Variants in DDR1 observed in about 807,000 individuals in gnomAD.
DDR1 encodes epithelial discoidin domain-containing receptor 1.
A neutral mutation model predicts 97.4 loss-of-function variants in DDR1; 64 were observed. The ratio of observed to expected loss-of-function variants is 0.66; its 90% confidence interval spans 0.54 to 0.81. DDR1 has a LOEUF of 0.81. DDR1 is among the 30% of genes least tolerant of loss of function. DDR1 has a pLI of 0.00. For missense variants in DDR1, 990 were observed against 1,259.6 expected (o/e 0.79, Z 3.24); for synonymous variants, 458 against 503.7 (o/e 0.91, Z 1.21).
rs759947520 is a variant in DDR1 at position 30,891,190 on chromosome 6, G to A, written c.565+70G>A. The A allele has an allele frequency of 1.3e-6, 2 of 1,590,242 alleles. No individual in the cohort carries two copies. Among genetic ancestry groups the A allele is most frequent in the Non-Finnish European group, 1.7e-6 (2 of 1,167,414 alleles). On this transcript the variant is annotated intron_variant, in intron 5 of 17. Transcript: ENST00000376568. The surrounding 1 kb of genome is among the most constrained non-coding windows in gnomAD (Gnocchi z 5.3). ...CTGGAGGGTGGGGAGTGTGGAGAAT[G>A]GGCATCCAGGATCCCTTCTCCTGCT...
Position 30,891,296 on chromosome 6 carries a change from G to A in DDR1, c.566-84G>A. On this transcript the variant is annotated intron_variant, in intron 5 of 17. Coordinates refer to ENST00000376568, the MANE Select transcript of DDR1 (RefSeq NM_001297654.2). This position sits in a 1 kb window ranked among gnomAD's most constrained non-coding sequence, Gnocchi z 5.3. ...GAGCCAGTGGAGAGATACAAGAAGG[G>A]ACCTGAAACCTGCCCAGGCCTGATG... 9 of 1,423,642 alleles carry A rather than the reference G, an allele frequency of 6.3e-6. No individual in the cohort carries two copies. Among genetic ancestry groups the A allele is most frequent in the Admixed American group, 1.8e-5 (1 of 54,086 alleles). The allele number at this position is 1,423,642 out of a possible 1,614,324, so 88.2% of individuals were successfully genotyped here.
rs1790084078 is a variant in DDR1, at chr6:30,894,810, A to G, written c.1513+139A>G. Reference sequence around the variant, plus strand: ...TTCTGTGCCCCTGGTTACTGTCTATATCACTCTTTGTCCCTACCATGTAGT... The same window carrying G: ...TTCTGTGCCCCTGGTTACTGTCTATGTCACTCTTTGTCCCTACCATGTAGT... On this transcript the variant is annotated intron_variant, in intron 11 of 17. Coordinates refer to ENST00000376568, the MANE Select transcript of DDR1 (RefSeq NM_001297654.2). The surrounding 1 kb of genome is among the most constrained non-coding windows in gnomAD (Gnocchi z 5.7). 4.2e-6 allele frequency: 4 copies of G among 960,554 alleles called. No homozygotes were observed. The highest frequency in any genetic ancestry group is 6.0e-6 in the Non-Finnish European group (4 of 672,068). The allele number at this position is 960,554 out of a possible 1,614,324, so 59.5% of individuals were successfully genotyped here. A position where few individuals can be genotyped will look rare whatever the true frequency, so the allele number is the denominator to read the frequency against.
chr6:30,892,546 A>G lies in DDR1; in HGVS notation c.1099+4A>G. The stretch of plus-strand genomic sequence containing the variant: ...AGCGAAATCTCCTTCATCTCTGGTA[A>G]GCCCTGGAGTAGCCCAGTCTCCAGT... On this transcript the variant is annotated splice_donor_region_variant and intron_variant, in intron 8 of 17. Transcript: ENST00000376568. 6.4e-7 allele frequency: 1 copy of G among 1,574,562 alleles called. No homozygotes were observed. Among genetic ancestry groups the G allele is most frequent in the Non-Finnish European group, 8.6e-7 (1 of 1,157,268 alleles).
chr6:30,891,369 C>G lies in DDR1; in HGVS notation c.566-11C>G. ...AGTGCCTCTGACCCCCATCCTCTCA[C>G]CCTGCCCCAGATGGACTCCTGTCTT... is the stretch of plus-strand genomic sequence containing the variant. On this transcript the variant is annotated splice_polypyrimidine_tract_variant and intron_variant, in intron 5 of 17. Coordinates refer to ENST00000376568, the MANE Select transcript of DDR1 (RefSeq NM_001297654.2). The surrounding 1 kb of genome is among the most constrained non-coding windows in gnomAD (Gnocchi z 5.3). 6.2e-7 allele frequency: 1 copy of G among 1,607,718 alleles called. No homozygotes were observed. Among genetic ancestry groups the G allele is most frequent in the Non-Finnish European group, 8.5e-7 (1 of 1,175,646 alleles).
Position 30,897,091 on chromosome 6 carries a change from T to C in DDR1, c.1947T>C (p.Pro649=). 6.2e-7 allele frequency: 1 copy of C among 1,613,850 alleles called. No homozygotes were observed. The highest frequency in any genetic ancestry group is 8.5e-7 in the Non-Finnish European group (1 of 1,179,958). Residue 649 remains proline, a synonymous_variant, in exon 14 of 18, where the codon CCT becomes CCC. Coordinates refer to ENST00000376568, the MANE Select transcript of DDR1 (RefSeq NM_001297654.2). The surrounding 1 kb of genome is among the most constrained non-coding windows in gnomAD (Gnocchi z 5.2). ...DFPLNVRKGH[P]LLVAVKILRP... is the part of the protein sequence containing the mutation. ...CCCTTAATGTGCGTAAGGGACACCCTTTGCTGGTAGCTGTCAAGATCTTAC... is the reference window on the plus strand; with the variant it reads ...CCCTTAATGTGCGTAAGGGACACCCCTTGCTGGTAGCTGTCAAGATCTTAC...
chr6:30,899,463 C>A lies in DDR1; in HGVS notation c.*167C>A. On this transcript the variant is annotated 3_prime_UTR_variant, in exon 18 of 18. Coordinates refer to ENST00000376568, the MANE Select transcript of DDR1 (RefSeq NM_001297654.2). The stretch of plus-strand genomic sequence containing the variant: ...GCTGGGCCCACCCAGGGAGCTGATG[C>A]CCCTTCTCCCCTTCCTGGACACACT... 2 of 738,394 alleles carry A rather than the reference C, an allele frequency of 2.7e-6. No homozygotes were observed. Among genetic ancestry groups the A allele is most frequent in the Non-Finnish European group, 4.3e-6 (2 of 467,358 alleles). The allele number at this position is 738,394 out of a possible 1,614,324, so 45.7% of individuals were successfully genotyped here. A position where few individuals can be genotyped will look rare whatever the true frequency, so the allele number is the denominator to read the frequency against.
At position 30,891,544 on chromosome 6, in the gene DDR1, TGTGTGTGTGTGTGA is replaced by T; in HGVS notation, c.665+67_665+80del. 6.5e-6 allele frequency: 6 copies of T among 921,046 alleles called. No individual in the cohort carries two copies. Among genetic ancestry groups the T allele is most frequent in the Middle Eastern group, 4.5e-4 (2 of 4,478 alleles). The allele number at this position is 921,046 out of a possible 1,614,324, so 57.1% of individuals were successfully genotyped here. A position where few individuals can be genotyped will look rare whatever the true frequency, so the allele number is the denominator to read the frequency against. On this transcript the variant is annotated intron_variant, in intron 6 of 17. Transcript: ENST00000376568. The surrounding 1 kb of genome is among the most constrained non-coding windows in gnomAD (Gnocchi z 5.3). The stretch of plus-strand genomic sequence containing the variant: ...AGGGAGGACTGTGTGTGTGTGTGTG[TGTGTGTGTGTGTGA>T]GAGTGTGTGTGTGTAGGGGGGCTGG...
rs56024191 is a variant in DDR1, at chr6:30,892,359, C to T, written c.916C>T (p.Arg306Trp). The T allele has an allele frequency of 1.3e-5, 21 of 1,581,454 alleles. No individual in the cohort carries two copies. The highest frequency in any genetic ancestry group is 3.4e-4 in the Middle Eastern group (2 of 5,898). ...RLPGGVECRFRRGPAMAWEGE... is the reference protein window; with the variant it reads ...RLPGGVECRFWRGPAMAWEGE... ...GCCTGGCGGGGTGGAATGTCGCTTCCGGCGTGGCCCTGCCATGGCCTGGGA... is the reference window on the plus strand; with the variant it reads ...GCCTGGCGGGGTGGAATGTCGCTTCTGGCGTGGCCCTGCCATGGCCTGGGA... The change falls in exon 8 of 18, where the codon CGG (arginine) becomes TGG (tryptophan). Residue 306 changes from arginine (R) to tryptophan (W), a missense_variant. Coordinates refer to ENST00000376568, the MANE Select transcript of DDR1 (RefSeq NM_001297654.2).
At chr6:30,885,927 CT>C (rs1474431428) in intron 1 of DDR1, 3 of 804,440 alleles carry the variant, frequency 3.7e-6, no homozygotes, top group African/African-American at 3.5e-5. Context: ...GGCCTGGCCC[CT>C]GGTTTGTCTT....
intron 8 of DDR1, 34 bp from the exon 9 acceptor site, chr6:30,893,034 A>C: frequency 1.2e-5 from 18 of 1,535,422 alleles, no homozygotes; most frequent in Non-Finnish European, 1.5e-5. Context: ...CTCCTCATTT[A>C]CCTCCCTCCT....
At position 30,899,006 on chromosome 6, in the gene DDR1, C is replaced by G; in HGVS notation, c.2570C>G (p.Ala857Gly). ...ACCGACGAGCAGGTCATCGAGAACG[C>G]GGGGGAGTTCTTCCGGGACCAGGGC... ...QLTDEQVIEN[A>G]GEFFRDQGRQ... The change falls in exon 17 of 18, where the codon GCG becomes GGG. Residue 857 changes from alanine (A) to glycine (G), a missense_variant. Coordinates refer to ENST00000376568, the MANE Select transcript of DDR1 (RefSeq NM_001297654.2). 1 of 1,613,856 alleles carries G rather than the reference C, an allele frequency of 6.2e-7. No homozygotes were observed. The highest frequency in any genetic ancestry group is 2.2e-5 in the East Asian group (1 of 44,846).
Position 30,899,972 on chromosome 6 carries a change from G to A in DDR1, c.*676G>A, listed in dbSNP as rs1051845865. ...GGATTGGGGGGAAAGAGGGAGCAAC[G>A]GCCCATAGCCTTGGGGTTGGACATC... On this transcript the variant is annotated 3_prime_UTR_variant, in exon 18 of 18. Coordinates refer to ENST00000376568, the MANE Select transcript of DDR1 (RefSeq NM_001297654.2). The A allele has an allele frequency of 7.0e-6, 4 of 572,992 alleles. No individual in the cohort carries two copies. The highest frequency in any genetic ancestry group is 3.5e-5 in the East Asian group (1 of 28,212). 35.5% of individuals were successfully genotyped at this position (572,992 alleles called of 1,614,324 possible).
upstream of DDR1, chr6:30,884,256 G>T (rs1391633777): frequency 2.0e-5 from 3 of 151,752 alleles, no homozygotes; most frequent in African/African-American, 4.9e-5. This position sits in a 1 kb window ranked among gnomAD's most constrained non-coding sequence, Gnocchi z 6.1. Flanking sequence ...GCGCCCAGGC[G>T]GGCTTGGCGG....
chr6:30,892,752 C>A, intron 8 of DDR1: 1 of 635,702 alleles, frequency 1.6e-6, no homozygotes. Context: ...GCCCCTTGCC[C>A]GTGACTATTA....
At position 30,899,330 on chromosome 6, in the gene DDR1, G is replaced by C; in HGVS notation, c.*34G>C. ...TCCAGCTGCCCCTCCCTCAGGGAGC[G>C]ATCCAGGGGAAGCCAGTGACACTAA... On this transcript the variant is annotated 3_prime_UTR_variant, in exon 18 of 18. Transcript: ENST00000376568. 6.3e-7 allele frequency: 1 copy of C among 1,579,424 alleles called. No individual in the cohort carries two copies. The highest frequency in any genetic ancestry group is 8.6e-7 in the Non-Finnish European group (1 of 1,161,158).
At position 30,898,072 on chromosome 6, in the gene DDR1, G is replaced by T. The variant is rs2150455943; in HGVS notation, c.2217-1G>T. 6.2e-7 allele frequency: 1 copy of T among 1,613,102 alleles called. No homozygotes were observed. The highest frequency in any genetic ancestry group is 8.5e-7 in the Non-Finnish European group (1 of 1,179,048). On this transcript the variant is annotated splice_acceptor_variant, in intron 15 of 17. Transcript: ENST00000376568. LOFTEE classifies it high-confidence loss of function. ...TGACCTTCTGTCGGTTCCCTTCTCAGCTACCCAATGCTGCTGCATGTGGCA... is the reference window on the plus strand; with the variant it reads ...TGACCTTCTGTCGGTTCCCTTCTCATCTACCCAATGCTGCTGCATGTGGCA...
At position 30,895,473 on chromosome 6, in the gene DDR1, G is replaced by GC. The variant is rs771816717; in HGVS notation, c.1590dup (p.Thr531HisfsTer21). ...TACGCCCGTCCCCCTCGAGGCCCGG[G>GC]CCCCCCCACACCCGCCTGGGCCAAA... On this transcript the variant is annotated frameshift_variant, in exon 12 of 18. Transcript: ENST00000376568. LOFTEE classifies it high-confidence loss of function. 18 of 1,604,558 alleles carry GC rather than the reference G, an allele frequency of 1.1e-5. No individual in the cohort carries two copies. Among genetic ancestry groups the GC allele is most frequent in the South Asian group, 6.6e-5 (6 of 90,234 alleles).
Position 30,899,293 on chromosome 6 carries a change from G to A in DDR1, c.2739G>A (p.Val913=), listed in dbSNP as rs2150488124. 1.2e-6 allele frequency: 2 copies of A among 1,606,826 alleles called. No homozygotes were observed. The highest frequency in any genetic ancestry group is 1.7e-6 in the Non-Finnish European group (2 of 1,174,646). Residue 913 remains valine (V), a synonymous_variant, in exon 18 of 18, where the codon GTG becomes GTA. Transcript: ENST00000376568. The part of the protein sequence containing the change: ...RFLAEDALNT[V] ...TGGCAGAGGATGCACTCAACACGGTGTGAATCACACATCCAGCTGCCCCTC... is the reference window on the plus strand; with the variant it reads ...TGGCAGAGGATGCACTCAACACGGTATGAATCACACATCCAGCTGCCCCTC...
At chr6:30,893,026 C>T in intron 8 of DDR1, 42 bp from the exon 9 acceptor site, 1 of 1,555,196 alleles carries the variant, frequency 6.4e-7, no homozygotes, top group Non-Finnish European at 8.8e-7. Context: ...TGGGTCTCCT[C>T]CTCATTTACC....
Sources: gnomAD v4.1 joint callset for allele counts on GRCh38, gnomAD v4.1.1 for gene constraint, Gnocchi (gnomAD v3.1) non-coding constraint, MANE v1.5 for transcripts, NCBI Gene and HGNC (gene_info 2026-07-23, HGNC 2026-07-21) for gene names.